DPP10: variants seen among roughly 807,000 people sequenced by gnomAD.
DPP10 encodes inactive dipeptidyl peptidase 10.
In DPP10, 33 loss-of-function variants were observed where a neutral mutation model predicts 120.9. The ratio of observed to expected loss-of-function variants is 0.27; its 90% CI spans 0.21 to 0.37. DPP10 has a LOEUF of 0.37. Ranked by LOEUF, DPP10 falls within the 10% of genes least tolerant of loss-of-function variation. The pLI, the probability that DPP10 is intolerant of heterozygous loss-of-function variation, is 1.00. For missense variants in DPP10, 816 were observed against 942.8 expected (o/e 0.87, Z 1.76); for synonymous variants, 337 against 326.1 (o/e 1.03, Z -0.36).
intron 1 of DPP10, among the ~76,000 whole-genome samples, chr2:115,303,132 C>T (rs568360164): frequency 6.6e-6 from 1 of 151,784 alleles, no homozygotes; most frequent in Admixed American, 6.6e-5. Flanking sequence ...ACATTTATTT[C>T]TTTAAATTGA....
intron 2 of DPP10, among the ~76,000 whole-genome samples, chr2:115,341,904 T>C (rs2063466466): frequency 6.6e-6 from 1 of 152,176 alleles, no homozygotes; most frequent in Non-Finnish European, 1.5e-5. Context: ...GCTATAAATG[T>C]TTGTGTGTAG....
chr2:115,531,031 C>T (rs1261545516), intron 5 of DPP10, among the ~76,000 whole-genome samples: 3 of 152,086 alleles, frequency 2.0e-5, no homozygotes, highest in African/African-American at 7.2e-5. Flanking sequence ...AAAGTCTTTA[C>T]TTGTACACGC....
chr2:115,161,993 G>A (rs533316032), intron 1 of DPP10: 2 of 1,393,350 alleles, frequency 1.4e-6, no homozygotes, highest in African/African-American at 3.0e-5. Flanking sequence ...GCCCACCCCG[G>A]GGGCCAGGGC....
At chr2:114,791,637 T>C (rs1683250618) in intron 1 of DPP10, among the ~76,000 whole-genome samples, 1 of 152,154 alleles carries the variant, frequency 6.6e-6, no homozygotes, top group Non-Finnish European at 1.5e-5. Context: ...ATGACAGCCA[T>C]CCACCTTTAT....
intron 3 of DPP10, among the ~76,000 whole-genome samples, chr2:115,350,149 G>A (rs2063933477): frequency 6.6e-6 from 1 of 151,810 alleles, no homozygotes; most frequent in Non-Finnish European, 1.5e-5. Context: ...TCTTTTTAAT[G>A]GAAAACTAAA....
intron 1 of DPP10, among the ~76,000 whole-genome samples, chr2:114,512,647 A>G (rs770259886): frequency 2.0e-5 from 3 of 152,216 alleles, no homozygotes; most frequent in Non-Finnish European, 4.4e-5. Flanking sequence ...AAACAAACAC[A>G]TTGTTTTACC....
intron 1 of DPP10, among the ~76,000 whole-genome samples, chr2:114,940,754 G>T (rs1171485432): frequency 6.6e-6 from 1 of 152,058 alleles, no homozygotes; most frequent in Non-Finnish European, 1.5e-5. Flanking sequence ...CTGTACTGCC[G>T]AGAAAGCAAA....
Position 114,442,854 on chromosome 2 carries a change from TC to T in DPP10, c.60+19del. The T allele has an allele frequency of 5.6e-6, 9 of 1,613,090 alleles. No individual in the cohort carries two copies. The highest frequency in any genetic ancestry group is 7.6e-6 in the Non-Finnish European group (9 of 1,179,392). On this transcript the variant is annotated intron_variant, in intron 1 of 25. Coordinates refer to ENST00000410059, the MANE Select transcript of DPP10 (RefSeq NM_020868.6). ...AACAATCAAGGTAGGATCTGGTTTT[TC>T]CCTCTGCTTCTGCACATGTGTCTTC...
intron 1 of DPP10, among the ~76,000 whole-genome samples, chr2:114,886,087 G>A (rs962950040): frequency 1.3e-5 from 2 of 152,138 alleles, no homozygotes; most frequent in African/African-American, 4.8e-5. Context: ...TTAATCAAAT[G>A]ATCTTACTTT....
At chr2:114,663,887 C>A (rs968248204) in intron 1 of DPP10, among the ~76,000 whole-genome samples, 1 of 151,030 alleles carries the variant, frequency 6.6e-6, no homozygotes, top group Non-Finnish European at 1.5e-5. Context: ...GTATGTAGAA[C>A]ATCACCCTTA....
intron 21 of DPP10, among the ~76,000 whole-genome samples, chr2:115,827,965 T>C (rs916238596): frequency 2.0e-5 from 3 of 152,160 alleles, no homozygotes; most frequent in Admixed American, 1.3e-4. Flanking sequence ...CCCAGGTGAC[T>C]ACCAATTCCA....
intron 1 of DPP10, among the ~76,000 whole-genome samples, chr2:114,726,014 C>T (rs1182065064): frequency 1.3e-5 from 2 of 151,958 alleles, no homozygotes; most frequent in Non-Finnish European, 2.9e-5. Flanking sequence ...GGGCAGATCA[C>T]GAGGTCAGGA....
intron 1 of DPP10, among the ~76,000 whole-genome samples, chr2:114,886,659 T>C (rs1692097409): frequency 6.6e-6 from 1 of 152,222 alleles, no homozygotes; most frequent in Admixed American, 6.5e-5. Context: ...TTTTAAAATA[T>C]TTTATTTACA....
At chr2:114,826,613 C>T (rs1686562221) in intron 1 of DPP10, among the ~76,000 whole-genome samples, 1 of 152,172 alleles carries the variant, frequency 6.6e-6, no homozygotes, top group Non-Finnish European at 1.5e-5. Context: ...TCCCTGCAAC[C>T]TCCGCCTCCC....
intron 5 of DPP10, among the ~76,000 whole-genome samples, chr2:115,601,796 C>T (rs1450263998): frequency 6.6e-6 from 1 of 152,058 alleles, no homozygotes; most frequent in African/African-American, 2.4e-5. Flanking sequence ...GCCTCAGCCT[C>T]CCAGGTAGCT....
intron 1 of DPP10, among the ~76,000 whole-genome samples, chr2:114,542,044 CTTTCCTTTTTT>C (rs1686995746): frequency 1.1e-5 from 1 of 94,226 alleles, no homozygotes; most frequent in South Asian, 3.2e-4. Flanking sequence ...TTCTTTCTTT[CTTTCCTTTTTT>C]TTTTTTTTTT....
chr2:115,575,072 T>G (rs1162148554), intron 5 of DPP10, among the ~76,000 whole-genome samples: 1 of 152,192 alleles, frequency 6.6e-6, no homozygotes, highest in Non-Finnish European at 1.5e-5. Flanking sequence ...TTCCTGTGAT[T>G]GACCATACAT....
intron 2 of DPP10, among the ~76,000 whole-genome samples, chr2:115,343,073 A>G (rs1342725471): frequency 6.6e-6 from 1 of 152,222 alleles, no homozygotes; most frequent in Non-Finnish European, 1.5e-5. Context: ...TTATTTTGCA[A>G]AGAAAATGCA....
intron 1 of DPP10, among the ~76,000 whole-genome samples, chr2:115,265,288 T>C (rs2105777683): frequency 6.7e-6 from 1 of 150,296 alleles, no homozygotes; most frequent in South Asian, 2.1e-4. Context: ...TATATATATA[T>C]ATATGCACAC....
Sources: gnomAD v4.1 joint callset for allele counts (sites outside exome capture counted in the v4.1 genomes callset) on GRCh38, gnomAD v4.1.1 for gene constraint, MANE v1.5 for transcripts, NCBI Gene and HGNC (gene_info 2026-07-23, HGNC 2026-07-21) for gene names.